Variants in IRX2 observed in about 807,000 individuals in gnomAD.
The protein encoded by IRX2 is iroquois homeobox 2.
IRX2 carries 26 observed loss-of-function variants against 42.9 expected under a neutral mutation model. The ratio of observed to expected loss-of-function variants is 0.61; its 90% CI spans 0.44 to 0.84. The LOEUF (loss-of-function observed/expected upper bound fraction) is 0.84, where lower values mean the gene tolerates loss of function less well. IRX2 is among the 40% of genes least tolerant of loss of function. IRX2 has a pLI of 0.00. For missense variants in IRX2, 782 were observed against 713.9 expected (o/e 1.10, Z -1.09); for synonymous variants, 424 against 353.9 (o/e 1.20, Z -2.22).
At chr5:2,739,868 G>T in the IRX2 span, among the ~76,000 whole-genome samples, 3 of 152,204 alleles carry the variant, frequency 2.0e-5, no homozygotes, top group African/African-American at 7.2e-5. Flanking sequence ...CGGGGTCAGG[G>T]CGGGAGGAAC....
chr5:2,744,107 T>TGA (rs930675356), downstream of IRX2, among the ~76,000 whole-genome samples: 1 of 151,270 alleles, frequency 6.6e-6, no homozygotes, highest in Non-Finnish European at 1.5e-5. Context: ...TGTGTGTGTG[T>TGA]GTGTGTGTGT....
In IRX2 at chr5:2,751,657, G is replaced by T; in HGVS notation, c.-244C>A. 1 of 151,510 alleles carries T rather than the reference G, an allele frequency of 6.6e-6. No individual in the cohort carries two copies. The highest frequency in any genetic ancestry group is 1.8e-4 in the South Asian group (1 of 5,524). The allele number at this position is 151,510 out of a possible 1,614,324, so 9.4% of individuals were successfully genotyped here. A position where few individuals can be genotyped will look rare whatever the true frequency, so the allele number is the denominator to read the frequency against. ...GCGCCAGGCCGGCGGTCGGGGTTTG[G>T]GGGAGTCTGGAGTCGGGAGTGAGGA... is the stretch of plus-strand genomic sequence containing the variant. On this transcript the variant is annotated 5_prime_UTR_variant, in exon 1 of 4. Coordinates refer to ENST00000302057, the MANE Select transcript of IRX2 (RefSeq NM_033267.5). The surrounding 1 kb of genome is among the most constrained non-coding windows in gnomAD (Gnocchi z 4.0).
chr5:2,740,496 T>C, the IRX2 span, among the ~76,000 whole-genome samples: 427 of 152,102 alleles, frequency 2.8e-3, 2 homozygotes, highest in African/African-American at 9.1e-3. Context: ...AGGGCAGAAA[T>C]GGGCCTAGAG....
At chr5:2,737,531 GC>G in the IRX2 span, among the ~76,000 whole-genome samples, 1 of 152,144 alleles carries the variant, frequency 6.6e-6, no homozygotes, top group African/African-American at 2.4e-5. Flanking sequence ...CAGTCATTTG[GC>G]CCACTCAGAT....
At chr5:2,740,655 C>T in the IRX2 span, among the ~76,000 whole-genome samples, 4 of 152,154 alleles carry the variant, frequency 2.6e-5, no homozygotes, top group Non-Finnish European at 5.9e-5. Context: ...GAGCCAGCTT[C>T]TGCCCCTCAA....
Position 2,751,272 on chromosome 5 carries a change from A to G in IRX2, c.142T>C (p.Tyr48His). The G allele has an allele frequency of 7.0e-7, 1 of 1,422,494 alleles. No individual in the cohort carries two copies. The highest frequency in any genetic ancestry group is 9.2e-7 in the Non-Finnish European group (1 of 1,088,022). 88.1% of individuals were successfully genotyped at this position (1,422,494 alleles called of 1,614,324 possible). Residue 48 changes from tyrosine to histidine, a missense_variant, in exon 1 of 4, where the codon TAC becomes CAC. Transcript: ENST00000302057. The surrounding 1 kb of genome is among the most constrained non-coding windows in gnomAD (Gnocchi z 4.0). ...RSASGSAFSPYPGSAAFTAQA... is the reference protein window; with the variant it reads ...RSASGSAFSPHPGSAAFTAQA... ...GCCGTGAAGGCCGCCGAGCCCGGGT[A>G]GGGGCTGAACGCCGAGCCCGACGCC...
rs1243193735 is a variant in IRX2, at chr5:2,749,325, G to A, written c.655+57C>T. The A allele has an allele frequency of 3.9e-6, 6 of 1,538,280 alleles. No homozygotes were observed. In the African/African-American group the frequency reaches 8.3e-5, roughly 21 times the overall value. ...GCAACGTCCTCCCCGCCTTAGCTCTGCGCCCCGCCTGGGAAGAAAGCGCCC... is the reference window on the plus strand; with the variant it reads ...GCAACGTCCTCCCCGCCTTAGCTCTACGCCCCGCCTGGGAAGAAAGCGCCC... On this transcript the variant is annotated intron_variant, in intron 2 of 3. Transcript: ENST00000302057.
rs747942331 is a variant in IRX2, at chr5:2,748,505, C to T, written c.1203G>A (p.Ala401=). 1 of 1,582,048 alleles carries T rather than the reference C, an allele frequency of 6.3e-7. No individual in the cohort carries two copies. Among genetic ancestry groups the T allele is most frequent in the Admixed American group, 1.8e-5 (1 of 56,996 alleles). ...NYTNYGNLNA[A]LQGQGLLRYN... ...ACCGCAGGAGACCCTGGCCCTGCAG[C>T]GCCGCGTTCAAGTTCCCGTAGTTTG... The change falls in exon 3 of 4, where the codon GCG becomes GCA. Residue 401 remains alanine (A), a synonymous_variant. Coordinates refer to ENST00000302057, the MANE Select transcript of IRX2 (RefSeq NM_033267.5).
rs759172090 is a variant in IRX2 at position 2,748,463 on chromosome 5, C to T, written c.1245G>A (p.Ala415=). 1.3e-6 allele frequency: 2 copies of T among 1,571,174 alleles called. No homozygotes were observed. Among genetic ancestry groups the T allele is most frequent in the South Asian group, 1.1e-5 (1 of 87,386 alleles). Residue 415 remains alanine, a synonymous_variant, in exon 3 of 4, where the codon GCG becomes GCA. Coordinates refer to ENST00000302057, the MANE Select transcript of IRX2 (RefSeq NM_033267.5). ...QGLLRYNSAA[A]APGEALHTAP... is the part of the protein sequence containing the mutation. ...CGGTGTGCAGGGCCTCGCCGGGGGC[C>T]GCGGCCGCAGAGTTGTACCGCAGGA...
rs200535388 is a variant in IRX2 at position 2,747,556 on chromosome 5, C to T, written c.*8G>A. 3.4e-5 allele frequency: 55 copies of T among 1,613,696 alleles called. No individual in the cohort carries two copies. In the Admixed American group the frequency reaches 5.3e-4, roughly 16 times the overall value. ...GCCCACTTACTTGCATTGCTGTGCT[C>T]GGCCCTTCTATAGGTAGGGCTGGAC... On this transcript the variant is annotated 3_prime_UTR_variant, in exon 4 of 4. Coordinates refer to ENST00000302057, the MANE Select transcript of IRX2 (RefSeq NM_033267.5).
At chr5:2,740,892 C>T (rs1216755651), downstream of IRX2, among the ~76,000 whole-genome samples, 1 of 152,216 alleles carries the variant, frequency 6.6e-6, no homozygotes, top group East Asian at 1.9e-4. Context: ...GAGACCTCCT[C>T]GCCCCCTCCG....
At chr5:2,736,068 C>G in the IRX2 span, among the ~76,000 whole-genome samples, 1 of 152,192 alleles carries the variant, frequency 6.6e-6, no homozygotes, top group Non-Finnish European at 1.5e-5. Context: ...GACCTTCTTA[C>G]CCTATCAGCC....
In IRX2 at chr5:2,748,695, G is replaced by A. The variant is rs1737788457; in HGVS notation, c.1013C>T (p.Ser338Leu). 2 of 1,399,534 alleles carry A rather than the reference G, an allele frequency of 1.4e-6. No homozygotes were observed. The highest frequency in any genetic ancestry group is 9.3e-7 in the Non-Finnish European group (1 of 1,077,686). 86.7% of individuals were successfully genotyped at this position (1,399,534 alleles called of 1,614,324 possible). The stretch of plus-strand genomic sequence containing the variant: ...GCCCAGGCTCGGCTGCTTGAGGTCC[G>A]ACGTGGCGATCTCGGCCAGCGACCA... Reference protein sequence around the residue: ...KLWSLAEIATSDLKQPSLGPG... With the variant: ...KLWSLAEIATLDLKQPSLGPG... Residue 338 changes from serine (S) to leucine (L), a missense_variant, in exon 3 of 4, where the codon TCG becomes TTG. Physicochemically the swap from Ser to Leu is moderately radical, Grantham distance 145. Coordinates refer to ENST00000302057, the MANE Select transcript of IRX2 (RefSeq NM_033267.5).
Position 2,748,792 on chromosome 5 carries a change from C to G in IRX2, c.916G>C (p.Gly306Arg), listed in dbSNP as rs979986396. Residue 306 changes from glycine to arginine, a missense_variant, in exon 3 of 4, where the codon GGT becomes CGT. This residue lies in a region of IRX2 where 520 missense variants were observed against 437.8 expected (regional missense o/e 1.19). Coordinates refer to ENST00000302057, the MANE Select transcript of IRX2 (RefSeq NM_033267.5). ...CTGCCCTGGGGCGTCTTGCGGCCACCGCGGGGCGCGGCCTCGGGCGGGGGG... is the reference window on the plus strand; with the variant it reads ...CTGCCCTGGGGCGTCTTGCGGCCACGGCGGGGCGCGGCCTCGGGCGGGGGG... ...LSPPPEAAPR[G>R]GRKTPQGSRT... is the part of the protein sequence containing the mutation. The G allele has an allele frequency of 7.4e-5, 105 of 1,417,456 alleles. No individual in the cohort carries two copies. Among genetic ancestry groups the G allele is most frequent in the Non-Finnish European group, 9.4e-5 (103 of 1,099,394 alleles). 87.8% of individuals were successfully genotyped at this position (1,417,456 alleles called of 1,614,324 possible). A position where few individuals can be genotyped will look rare whatever the true frequency, so the allele number is the denominator to read the frequency against.
chr5:2,749,133 A>G, intron 2 of IRX2, 81 bp from the exon 3 acceptor site: 2 of 1,531,864 alleles, frequency 1.3e-6, no homozygotes, highest in South Asian at 1.2e-5. Flanking sequence ...GTCCTGCGGC[A>G]CTGGGCCCTC....
At chr5:2,745,317 C>T (rs949565240), downstream of IRX2, among the ~76,000 whole-genome samples, 4 of 151,956 alleles carry the variant, frequency 2.6e-5, no homozygotes, top group South Asian at 4.2e-4. Context: ...GTTTTATAAC[C>T]GTAAGTTATA....
chr5:2,740,280 G>C, the IRX2 span, among the ~76,000 whole-genome samples: 339 of 152,210 alleles, frequency 2.2e-3, 2 homozygotes, highest in Non-Finnish European at 2.7e-3. Context: ...CTCGGCCCAG[G>C]GCTCCCAGCC....
At chr5:2,742,859 T>A (rs1737572918), downstream of IRX2, among the ~76,000 whole-genome samples, 4 of 152,216 alleles carry the variant, frequency 2.6e-5, no homozygotes, top group Admixed American at 2.6e-4. Context: ...GGTAGTTTAG[T>A]ATGTACATTC....
At chr5:2,739,875 GAACCCGA>G in the IRX2 span, among the ~76,000 whole-genome samples, 1 of 152,176 alleles carries the variant, frequency 6.6e-6, no homozygotes, top group Non-Finnish European at 1.5e-5. Flanking sequence ...AGGGCGGGAG[GAACCCGA>G]TGGGTCCCGC....
Sources: allele counts gnomAD v4.1 joint callset (sites outside exome capture counted in the v4.1 genomes callset), GRCh38; gene constraint gnomAD v4.1.1; regional missense constraint gnomAD v4.1.1; non-coding constraint Gnocchi (gnomAD v3.1); transcripts MANE v1.5; gene names NCBI Gene and HGNC (gene_info 2026-07-23, HGNC 2026-07-21).